FBXO38: variants seen among roughly 807,000 people sequenced by gnomAD.
The protein encoded by FBXO38 is F-box only protein 38.
In FBXO38, 53 loss-of-function variants were observed where a neutral mutation model predicts 131.9. That is an observed-to-expected ratio of 0.40 (90% CI 0.32 to 0.51). The LOEUF (loss-of-function observed/expected upper bound fraction) is 0.51, where lower values mean the gene tolerates loss of function less well. Ranked by LOEUF, FBXO38 falls within the 20% of genes least tolerant of loss-of-function variation. FBXO38 has a pLI of 0.53. For missense variants in FBXO38, 1,076 were observed against 1,475.6 expected, an observed-to-expected ratio of 0.73 and a Z score of 4.44; for synonymous variants, 452 against 505.6, an observed-to-expected ratio of 0.89 and a Z score of 1.42.
At chr5:148,387,293 T>C (rs1430976866) in intron 1 of FBXO38, among the ~76,000 whole-genome samples, 4 of 152,218 alleles carry the variant, frequency 2.6e-5, no homozygotes, top group Non-Finnish European at 5.9e-5. Context: ...CAAACCACTT[T>C]CTTTGTTCAT....
At position 148,409,100 on chromosome 5, in the gene FBXO38, CTTGTTT is replaced by C. The variant is rs1561525070; in HGVS notation, c.869-18_869-13del. 1 of 1,399,098 alleles carries C rather than the reference CTTGTTT, an allele frequency of 7.1e-7. No individual in the cohort carries two copies. Among genetic ancestry groups the C allele is most frequent in the African/African-American group, 1.4e-5 (1 of 70,720 alleles). 86.7% of individuals were successfully genotyped at this position (1,399,098 alleles called of 1,614,324 possible). ...TCACTAAAAATGCTATGGTCAAACA[CTTGTTT>C]TTGTTCCTCGTCTTTAGGTGGTTTT... On this transcript the variant is annotated intron_variant, in intron 7 of 21. Transcript: ENST00000340253.
intron 18 of FBXO38, 139 bp from the exon 19 acceptor site, chr5:148,439,508 C>T: frequency 1.2e-6 from 1 of 820,760 alleles, no homozygotes; most frequent in South Asian, 2.0e-5. Context: ...GTTTTCAGGT[C>T]TGAATGTGAC....
chr5:148,402,560 A>C (rs1340060440), intron 5 of FBXO38, 47 bp downstream of exon 5: 2 of 1,400,252 alleles, frequency 1.4e-6, no homozygotes, highest in Non-Finnish European at 1.9e-6. Context: ...GAAATGCCAT[A>C]AAATGTGAAT....
At chr5:148,404,933 G>T in intron 6 of FBXO38, 111 bp downstream of exon 6, 1 of 902,540 alleles carries the variant, frequency 1.1e-6, no homozygotes, top group Non-Finnish European at 1.6e-6. Context: ...TACTATTTAT[G>T]TCTTATAACA....
intron 12 of FBXO38, among the ~76,000 whole-genome samples, chr5:148,420,178 A>G (rs1753329110): frequency 6.8e-6 from 1 of 147,506 alleles, no homozygotes; most frequent in Non-Finnish European, 1.5e-5. Flanking sequence ...GCTGGAGGGT[A>G]GTGGCATGAT....
At chr5:148,391,596 G>A (rs1386221705) in intron 1 of FBXO38, among the ~76,000 whole-genome samples, 1 of 152,238 alleles carries the variant, frequency 6.6e-6, no homozygotes, top group Admixed American at 6.5e-5. Context: ...GTCTGCTAGA[G>A]TGAGTATACT....
intron 1 of FBXO38, among the ~76,000 whole-genome samples, chr5:148,389,141 A>G (rs1324587664): frequency 6.6e-6 from 1 of 152,220 alleles, no homozygotes; most frequent in Non-Finnish European, 1.5e-5. Flanking sequence ...TTATCAATCA[A>G]GTTTGCCATC....
intron 12 of FBXO38, among the ~76,000 whole-genome samples, chr5:148,418,591 A>C (rs1490898987): frequency 1.3e-5 from 2 of 152,162 alleles, no homozygotes; most frequent in Admixed American, 1.3e-4. Flanking sequence ...CGAGACAGTC[A>C]CGTATTGTCT....
intron 17 of FBXO38, among the ~76,000 whole-genome samples, chr5:148,436,258 A>G (rs1754341848): frequency 6.6e-6 from 1 of 152,162 alleles, no homozygotes; most frequent in East Asian, 2.0e-4. Flanking sequence ...ATATATATAC[A>G]TGACATATGC....
intron 1 of FBXO38, among the ~76,000 whole-genome samples, chr5:148,390,382 G>C (rs1021571213): frequency 7.2e-5 from 11 of 152,184 alleles, no homozygotes; most frequent in Non-Finnish European, 1.6e-4. Context: ...ATATAAGATA[G>C]AGATGTTTTC....
intron 12 of FBXO38, among the ~76,000 whole-genome samples, chr5:148,420,181 G>C (rs533267216): frequency 3.3e-5 from 5 of 150,062 alleles, no homozygotes; most frequent in Non-Finnish European, 7.4e-5. Context: ...GGAGGGTAGT[G>C]GCATGATCAT....
intron 14 of FBXO38, 133 bp downstream of exon 14, chr5:148,425,834 C>G: frequency 1.4e-6 from 1 of 730,786 alleles, no homozygotes; most frequent in South Asian, 1.9e-5. Context: ...ATGCACTTGC[C>G]CAAGTAAGGG....
intron 2 of FBXO38, among the ~76,000 whole-genome samples, chr5:148,397,261 A>G (rs1251181344): frequency 6.6e-6 from 1 of 152,138 alleles, no homozygotes; most frequent in Non-Finnish European, 1.5e-5. Flanking sequence ...AAAGTGTTAT[A>G]TTTGATCTGT....
At position 148,427,348 on chromosome 5, in the gene FBXO38, T is replaced by C. The variant is rs761191914; in HGVS notation, c.2054T>C (p.Met685Thr). ...QVTSEQIKAD[M>T]KAARDIPEKK... is the part of the protein sequence containing the mutation. The stretch of plus-strand genomic sequence containing the variant: ...ACCAGTGAGCAGATCAAAGCCGATA[T>C]GAAAGCAGCTAGGGATATTCCTGAA... The change falls in exon 15 of 22, where the codon ATG (methionine) becomes ACG (threonine). Residue 685 changes from methionine (M) to threonine (T), a missense_variant. Met to Thr is a moderately conservative substitution (Grantham distance 81). This residue lies in a region of FBXO38 where 213 missense variants were observed against 225.2 expected (regional missense o/e 0.95). Transcript: ENST00000340253. 5.6e-6 allele frequency: 9 copies of C among 1,614,006 alleles called. No individual in the cohort carries two copies. Among genetic ancestry groups the C allele is most frequent in the South Asian group, 1.1e-5 (1 of 91,084 alleles).
chr5:148,407,634 T>C (rs957864874), intron 7 of FBXO38, among the ~76,000 whole-genome samples: 2 of 147,684 alleles, frequency 1.4e-5, no homozygotes, highest in African/African-American at 5.0e-5. Flanking sequence ...ATTGAGAGAG[T>C]GAAAAACCGG....
At chr5:148,416,970 G>T in intron 11 of FBXO38, 24 bp from the exon 12 acceptor site, 3 of 1,512,546 alleles carry the variant, frequency 2.0e-6, no homozygotes, top group Non-Finnish European at 2.8e-6. Flanking sequence ...ATTAATAAAC[G>T]TATGTGTTTT....
chr5:148,427,290 G>C lies in FBXO38; in HGVS notation c.1996G>C (p.Glu666Gln). 1 of 1,614,084 alleles carries C rather than the reference G, an allele frequency of 6.2e-7. No individual in the cohort carries two copies. The highest frequency in any genetic ancestry group is 8.5e-7 in the Non-Finnish European group (1 of 1,180,012). ...GGGCCAGTCGAAGCAGTTTCCCCTC[G>C]AGGAAAGCAGCTGTGAGAAAGGCTG... ...QMGQSKQFPL[E>Q]ESSCEKGCQV... The change falls in exon 15 of 22, where the codon GAG (glutamate) becomes CAG (glutamine). Residue 666 changes from glutamate (E) to glutamine (Q), a missense_variant. Glu to Gln is a conservative substitution (Grantham distance 29). Transcript: ENST00000340253.
chr5:148,423,187 G>A (rs1753537879), intron 12 of FBXO38, among the ~76,000 whole-genome samples: 1 of 152,020 alleles, frequency 6.6e-6, no homozygotes, highest in South Asian at 2.1e-4. Context: ...TAACATCTTT[G>A]CCAGAATGTG....
rs1347172293 is a variant in FBXO38 at position 148,433,698 on chromosome 5, C to G, written c.2818C>G (p.Leu940Val). 3.7e-6 allele frequency: 6 copies of G among 1,611,670 alleles called. No individual in the cohort carries two copies. Among genetic ancestry groups the G allele is most frequent in the Non-Finnish European group, 5.1e-6 (6 of 1,178,754 alleles). The stretch of plus-strand genomic sequence containing the variant: ...TATGACCAATTGTGGAATCACAGAT[C>G]TAGTGCTAAAAGACTGTCCAAAGAT... ...VTMTNCGITD[L>V]VLKDCPKMMF... The change falls in exon 17 of 22, where the codon CTA becomes GTA. Residue 940 changes from leucine to valine, a missense_variant. Coordinates refer to ENST00000340253, the MANE Select transcript of FBXO38 (RefSeq NM_205836.3).
Sources: allele counts gnomAD v4.1 joint callset (sites outside exome capture counted in the v4.1 genomes callset), GRCh38; gene constraint gnomAD v4.1.1; regional missense constraint gnomAD v4.1.1; transcripts MANE v1.5; gene names NCBI Gene and HGNC (gene_info 2026-07-23, HGNC 2026-07-21).